Variants in NR6A1 observed in about 807,000 individuals in gnomAD.
The protein encoded by NR6A1 is nuclear receptor subfamily 6 group A member 1.
In NR6A1, 7 loss-of-function variants were observed where a neutral mutation model predicts 59.1. The ratio of observed to expected loss-of-function variants is 0.12; its 90% CI spans 0.07 to 0.22. The LOEUF is 0.22. NR6A1 is among the 10% of genes least tolerant of loss of function. The pLI, the probability that NR6A1 is intolerant of heterozygous loss-of-function variation, is 1.00. For synonymous variants in NR6A1, 243 were observed against 236.1 expected, an observed-to-expected ratio of 1.03 and a Z score of -0.27; for missense variants, 468 against 611.6, an observed-to-expected ratio of 0.77 and a Z score of 2.48.
rs576803603 is a variant in NR6A1 at position 124,738,186 on chromosome 9, G to A, written c.101-4837C>T. On this transcript the variant is annotated intron_variant, in intron 1 of 9. Coordinates refer to ENST00000487099, the MANE Select transcript of NR6A1 (RefSeq NM_033334.4). ...AGAGAATAGCTTTAACCTGGGAGGC[G>A]GAGGTTGCAGTGAGCGGAGATCGCG... 1.1e-4 allele frequency among the ~76,000 whole-genome samples: 16 copies of A among 151,688 alleles called. No homozygotes were observed. The East Asian group carries it at 1.4e-3, about 13-fold the overall frequency.
chr9:124,687,184 C>A (rs1047741641), intron 2 of NR6A1, among the ~76,000 whole-genome samples: 9 of 151,644 alleles, frequency 5.9e-5, no homozygotes, highest in African/African-American at 2.2e-4. Context: ...AGTGGCGGCA[C>A]AATTAGAGCT....
At chr9:124,702,235 T>C (rs1443298363) in intron 2 of NR6A1, among the ~76,000 whole-genome samples, 1 of 152,220 alleles carries the variant, frequency 6.6e-6, no homozygotes, top group African/African-American at 2.4e-5. Flanking sequence ...TTGGTAGTTT[T>C]AGCTCTTACA....
chr9:124,542,026 T>A (rs1231715188), intron 4 of NR6A1, among the ~76,000 whole-genome samples: 1 of 152,094 alleles, frequency 6.6e-6, no homozygotes, highest in Admixed American at 6.5e-5. Flanking sequence ...GAGAGGAAAA[T>A]GAGGAACTGC....
At chr9:124,581,517 A>G (rs1319080322) in intron 2 of NR6A1, among the ~76,000 whole-genome samples, 3 of 152,120 alleles carry the variant, frequency 2.0e-5, no homozygotes, top group Non-Finnish European at 2.9e-5. Context: ...ACTTGAACCC[A>G]GGAGGGGGAG....
chr9:124,584,325 T>G (rs1161537616), intron 2 of NR6A1, among the ~76,000 whole-genome samples: 1 of 151,942 alleles, frequency 6.6e-6, no homozygotes, highest in Non-Finnish European at 1.5e-5. Context: ...CAGGATGCTC[T>G]CGATCTCCTG....
At chr9:124,770,668 A>C in intron 1 of NR6A1, among the ~76,000 whole-genome samples, 1 of 81,436 alleles carries the variant, frequency 1.2e-5, no homozygotes, top group East Asian at 4.4e-4. Flanking sequence ...AGACAGGGGG[A>C]GGGGACCCGG....
intron 2 of NR6A1, among the ~76,000 whole-genome samples, chr9:124,723,560 T>A (rs1356784272): frequency 6.6e-6 from 1 of 152,206 alleles, no homozygotes; most frequent in Non-Finnish European, 1.5e-5. Flanking sequence ...AACTTACACC[T>A]GCCAACACCT....
intron 2 of NR6A1, among the ~76,000 whole-genome samples, chr9:124,646,261 G>A (rs1174336741): frequency 3.3e-5 from 5 of 151,848 alleles, no homozygotes; most frequent in South Asian, 2.1e-4. Context: ...AGCAGAAATC[G>A]ATGAAATTAA....
Position 124,630,607 on chromosome 9 carries a change from C to T in NR6A1, c.143-76037G>A, listed in dbSNP as rs576841004. ...AGCATGGGTTCTGAAATCCGACACA[C>T]CTGGGTTCCTATTCTTGTTCTACTA... On this transcript the variant is annotated intron_variant, in intron 2 of 9. Transcript: ENST00000487099. 2.0e-5 allele frequency among the ~76,000 whole-genome samples: 3 copies of T among 150,928 alleles called. No homozygotes were observed. In the South Asian group the frequency reaches 6.3e-4, roughly 32 times the overall value.
In NR6A1 at chr9:124,597,951, C is replaced by T. The variant is rs1176575226; in HGVS notation, c.143-43381G>A. Among the ~76,000 whole-genome samples the T allele has an allele frequency of 6.6e-5, 10 of 152,104 alleles. No homozygotes were observed. The South Asian group carries it at 1.7e-3, about 25-fold the overall frequency. The stretch of plus-strand genomic sequence containing the variant: ...TCCACCAGGGCTCAAGCAATCCTCC[C>T]GCATGAGCCTCCCACGTAGCTGGGA... On this transcript the variant is annotated intron_variant, in intron 2 of 9. Transcript: ENST00000487099.
intron 1 of NR6A1, among the ~76,000 whole-genome samples, chr9:124,749,676 T>G (rs1308079724): frequency 2.6e-5 from 4 of 152,178 alleles, no homozygotes; most frequent in Non-Finnish European, 5.9e-5. Flanking sequence ...TCCTCCTGCC[T>G]CAGCCTTCCC....
chr9:124,733,500 C>G (rs1839940624), intron 1 of NR6A1, 151 bp from the exon 2 acceptor site: 1 of 629,020 alleles, frequency 1.6e-6, no homozygotes, highest in African/African-American at 1.8e-5. Context: ...TACTACATAT[C>G]CCTCTGAGCC....
intron 2 of NR6A1, among the ~76,000 whole-genome samples, chr9:124,721,641 C>T (rs899575826): frequency 1.3e-5 from 2 of 152,172 alleles, no homozygotes; most frequent in African/African-American, 2.4e-5. Context: ...GAAGACAACT[C>T]GGGAACCTAT....
intron 2 of NR6A1, among the ~76,000 whole-genome samples, chr9:124,629,605 T>C (rs1450401529): frequency 6.6e-6 from 1 of 152,210 alleles, no homozygotes; most frequent in Non-Finnish European, 1.5e-5. Flanking sequence ...CTCGAGGCCA[T>C]TTCCCAGAGC....
chr9:124,719,675 C>A (rs1235659280), intron 2 of NR6A1, among the ~76,000 whole-genome samples: 2 of 152,062 alleles, frequency 1.3e-5, no homozygotes, highest in Non-Finnish European at 2.9e-5. Flanking sequence ...TCTCAGCACT[C>A]TGGGAAGCCG....
chr9:124,525,999 G>A (rs1832923152), intron 8 of NR6A1, among the ~76,000 whole-genome samples: 2 of 152,194 alleles, frequency 1.3e-5, no homozygotes, highest in Non-Finnish European at 2.9e-5. Context: ...GTAAAAGCAG[G>A]AAGAGGTTTG....
At chr9:124,525,004 C>G (rs1212061828) in intron 8 of NR6A1, 131 bp from the exon 9 acceptor site, 1 of 1,060,542 alleles carries the variant, frequency 9.4e-7, no homozygotes, top group African/African-American at 1.6e-5. Flanking sequence ...AACAGGAGAT[C>G]TCCTCTGATA....
At chr9:124,759,243 T>C (rs1840721374) in intron 1 of NR6A1, among the ~76,000 whole-genome samples, 1 of 152,218 alleles carries the variant, frequency 6.6e-6, no homozygotes, top group African/African-American at 2.4e-5. Flanking sequence ...AAAAGGTACA[T>C]GGGACAAAGG....
intron 2 of NR6A1, among the ~76,000 whole-genome samples, chr9:124,683,720 G>A (rs1310258383): frequency 6.6e-6 from 1 of 152,244 alleles, no homozygotes; most frequent in Admixed American, 6.5e-5. Flanking sequence ...TTGAACCCAG[G>A]AGGTGGAGGT....
Sources: gnomAD v4.1 joint callset for allele counts (sites outside exome capture counted in the v4.1 genomes callset) on GRCh38, gnomAD v4.1.1 for gene constraint, MANE v1.5 for transcripts, NCBI Gene and HGNC (gene_info 2026-07-23, HGNC 2026-07-21) for gene names.